MYH8: variants seen among roughly 807,000 people sequenced by gnomAD.
The protein encoded by MYH8 is myosin heavy chain 8, also known as myosin-8.
MYH8 carries 168 observed loss-of-function variants against 233.2 expected under a neutral mutation model. The observed-to-expected ratio is 0.72, with a 90% CI of 0.64 to 0.82. The LOEUF (loss-of-function observed/expected upper bound fraction) is 0.82. Among genes scored for constraint, MYH8 ranks in the 40% least tolerant of loss-of-function variants. The pLI is 0.00. For synonymous variants in MYH8, 785 were observed against 850.6 expected (o/e 0.92, Z 1.34); for missense variants, 1,995 against 2,327.8 (o/e 0.86, Z 2.94).
rs562918986 is a variant in MYH8, at chr17:10,420,274, C to T, written c.-30-17G>A. On this transcript the variant is annotated splice_polypyrimidine_tract_variant and intron_variant, in intron 2 of 39. Coordinates refer to ENST00000403437, the MANE Select transcript of MYH8 (RefSeq NM_002472.3). ...GGATTCTGCCTAGGGAGGAGAGAAA[C>T]GGGAGAGAGAGATATAAAAAGCAGA... 9.4e-6 allele frequency: 15 copies of T among 1,595,056 alleles called. 1 individual carries two copies. The East Asian group carries it at 1.3e-4, about 14-fold the overall frequency.
chr17:10,408,946 G>T, intron 17 of MYH8, 151 bp downstream of exon 17: 1 of 721,272 alleles, frequency 1.4e-6, no homozygotes, highest in Non-Finnish European at 2.4e-6. Flanking sequence ...CGTTCCTACA[G>T]GAGTAGTATT....
At position 10,404,378 on chromosome 17, in the gene MYH8, C is replaced by T. The variant is rs774397725; in HGVS notation, c.2640G>A (p.Met880Ile). 3 of 1,613,728 alleles carry T rather than the reference C, an allele frequency of 1.9e-6. No individual in the cohort carries two copies. Among genetic ancestry groups the T allele is most frequent in the African/African-American group, 1.3e-5 (1 of 74,928 alleles). The change falls in exon 22 of 40, where the codon ATG (methionine) becomes ATA (isoleucine). Residue 880 changes from methionine (M) to isoleucine (I), a missense_variant. Met to Ile is a conservative substitution (Grantham distance 10). This residue lies in a region of MYH8 where 1,498 missense variants were observed against 1,680.9 expected (regional missense o/e 0.89). Transcript: ENST00000403437. ...CATTTTTCTCTTTTAAGAGAGTGAC[C>T]ATTTTTTCCTCTAGCTCCTTCCGTT... ...EAKRKELEEK[M>I]VTLLKEKNDL...
Position 10,415,279 on chromosome 17 carries a change from C to A in MYH8, c.741+13G>T, listed in dbSNP as rs1203024846. 2 of 1,612,234 alleles carry A rather than the reference C, an allele frequency of 1.2e-6. No individual in the cohort carries two copies. Among genetic ancestry groups the A allele is most frequent in the Non-Finnish European group, 8.5e-7 (1 of 1,178,278 alleles). ...CTACTCTGGAAGTTAGGGGTTGAGA[C>A]CAAGAGACTCACAAAGCGAGAGGAG... On this transcript the variant is annotated intron_variant, in intron 8 of 39. Transcript: ENST00000403437. The surrounding 1 kb of genome is among the most constrained non-coding windows in gnomAD (Gnocchi z 4.1).
At position 10,391,917 on chromosome 17, in the gene MYH8, T is replaced by C. The variant is rs762977268; in HGVS notation, c.5629A>G (p.Lys1877Glu). ...GCTTGTCTCTTGTATGATTTCACCT[T>C]CGCCTGTAATTTATCTACCAAGTCC... ...LQDLVDKLQA[K>E]VKSYKRQAEE... Residue 1877 changes from lysine (K) to glutamate (E), a missense_variant, in exon 39 of 40, where the codon AAG becomes GAG. Physicochemically the swap from Lys to Glu is moderately conservative, Grantham distance 56 (BLOSUM62 1). Coordinates refer to ENST00000403437, the MANE Select transcript of MYH8 (RefSeq NM_002472.3). 4.3e-6 allele frequency: 7 copies of C among 1,614,064 alleles called. No homozygotes were observed. In the East Asian group the frequency reaches 1.6e-4, roughly 36 times the overall value.
At position 10,415,387 on chromosome 17, in the gene MYH8, G is replaced by T; in HGVS notation, c.649-3C>A. 1 of 1,614,100 alleles carries T rather than the reference G, an allele frequency of 6.2e-7. No individual in the cohort carries two copies. The highest frequency in any genetic ancestry group is 8.5e-7 in the Non-Finnish European group (1 of 1,179,942). On this transcript the variant is annotated splice_polypyrimidine_tract_variant and splice_region_variant and intron_variant, in intron 7 of 39. Transcript: ENST00000403437. This position sits in a 1 kb window ranked among gnomAD's most constrained non-coding sequence, Gnocchi z 4.1. Reference sequence around the variant, plus strand: ...ATGATTTGATCTTCCAGAGTCCCCTGCAAAGGAAGGAGCAGTTCTCACATC... The same window carrying T: ...ATGATTTGATCTTCCAGAGTCCCCTTCAAAGGAAGGAGCAGTTCTCACATC...
chr17:10,405,222 A>G (rs1409395600), intron 21 of MYH8, among the ~76,000 whole-genome samples: 2 of 152,192 alleles, frequency 1.3e-5, no homozygotes, highest in Non-Finnish European at 2.9e-5. Flanking sequence ...TGGATTGTTA[A>G]TATTTGCGAG....
At chr17:10,412,957 T>G (rs1165127710) in intron 12 of MYH8, among the ~76,000 whole-genome samples, 1 of 152,248 alleles carries the variant, frequency 6.6e-6, no homozygotes, top group Non-Finnish European at 1.5e-5. Flanking sequence ...AAATTTTTCA[T>G]CAACTGTAAA....
intron 12 of MYH8, 120 bp downstream of exon 12, chr17:10,413,782 A>C: frequency 1.4e-6 from 2 of 1,397,628 alleles, no homozygotes; most frequent in Non-Finnish European, 2.0e-6. Flanking sequence ...CAGTGTGTGT[A>C]AATGTGTATA....
In MYH8 at chr17:10,411,733, T is replaced by C. The variant is rs1337556485; in HGVS notation, c.1416+637A>G. ...GGTGTATAAAGTGAAATCATTAGGG[T>C]AATTTCTCTTCTATTTATATCAGAC... On this transcript the variant is annotated intron_variant, in intron 14 of 39. Transcript: ENST00000403437. 4.6e-5 allele frequency among the ~76,000 whole-genome samples: 7 copies of C among 152,188 alleles called. No homozygotes were observed. The South Asian group carries it at 1.4e-3, about 32-fold the overall frequency.
chr17:10,409,037 C>A lies in MYH8; in HGVS notation c.1965+60G>T, dbSNP rs547170482. On this transcript the variant is annotated intron_variant, in intron 17 of 39. Coordinates refer to ENST00000403437, the MANE Select transcript of MYH8 (RefSeq NM_002472.3). ...TATTGCCTCATAATTTTTTCTAAAT[C>A]CTTAATTATGATAATTCATAGAAAC... 1.8e-5 allele frequency: 27 copies of A among 1,513,858 alleles called. No homozygotes were observed. In the South Asian group the frequency reaches 3.0e-4, roughly 17 times the overall value. The allele number at this position is 1,513,858 out of a possible 1,614,324, so 93.8% of individuals were successfully genotyped here. A position where few individuals can be genotyped will look rare whatever the true frequency, so the allele number is the denominator to read the frequency against.
chr17:10,390,552 G>GC lies in MYH8; in HGVS notation c.5715dup (p.Leu1906AlafsTer9), dbSNP rs1478092210. On this transcript the variant is annotated frameshift_variant, in exon 40 of 40. Transcript: ENST00000403437. LOFTEE classifies it high-confidence loss of function. ...TCAGCCCGTTCCTCGGCCTCCTCCAGCTCATGCTGGAGTTTGCGGAATTTA... is the reference window on the plus strand; with the variant it reads ...TCAGCCCGTTCCTCGGCCTCCTCCAGCCTCATGCTGGAGTTTGCGGAATTTA... 1 of 1,614,168 alleles carries GC rather than the reference G, an allele frequency of 6.2e-7. No individual in the cohort carries two copies. Among genetic ancestry groups the GC allele is most frequent in the Non-Finnish European group, 8.5e-7 (1 of 1,180,006 alleles).
chr17:10,395,306 C>T lies in MYH8; in HGVS notation c.4789G>A (p.Val1597Met), dbSNP rs369298245. The change falls in exon 34 of 40, where the codon GTG (valine) becomes ATG (methionine). Residue 1597 changes from valine (V) to methionine (M), a missense_variant. Transcript: ENST00000403437. ...DQLKRNHTRV[V>M]ETMQSTLDAE... ...TCCAGCGTGCTCTGCATTGTCTCCA[C>T]GACTCTAGTGTGGTTTCTCTTCAGC... 3.5e-5 allele frequency: 56 copies of T among 1,614,064 alleles called. No individual in the cohort carries two copies. The highest frequency in any genetic ancestry group is 1.8e-4 in the Admixed American group (11 of 60,008).
Position 10,396,691 on chromosome 17 carries a change from C to T in MYH8, c.4390G>A (p.Glu1464Lys). 1 of 1,614,234 alleles carries T rather than the reference C, an allele frequency of 6.2e-7. No individual in the cohort carries two copies. Among genetic ancestry groups the T allele is most frequent in the Non-Finnish European group, 8.5e-7 (1 of 1,180,044 alleles). ...KVLSEWKQKYEETQAELEASQ... is the reference protein window; with the variant it reads ...KVLSEWKQKYKETQAELEASQ... ...GCCTCAAGTTCAGCCTGAGTTTCCT[C>T]ATACTTCTGCTTCCATTCTGATAGG... Residue 1464 changes from glutamate to lysine, a missense_variant, in exon 32 of 40, where the codon GAG (glutamate) becomes AAG (lysine). By Grantham distance (56) the Glu-to-Lys change is moderately conservative. Coordinates refer to ENST00000403437, the MANE Select transcript of MYH8 (RefSeq NM_002472.3). This position sits in a 1 kb window ranked among gnomAD's most constrained non-coding sequence, Gnocchi z 4.2.
intron 5 of MYH8, among the ~76,000 whole-genome samples, chr17:10,418,371 G>A (rs140915590): frequency 2.0e-3 from 309 of 152,292 alleles, no homozygotes; most frequent in Non-Finnish European, 3.2e-3. Flanking sequence ...GTTTACAGTG[G>A]TCTAGTAATT....
In MYH8 at chr17:10,404,311, C is replaced by T. The variant is rs780519964; in HGVS notation, c.2688+19G>A. ...AAAAGCTTCAGTAACATGGTGCATTCAGAATATGGAGTACTCACAGATTGA... is the reference window on the plus strand; with the variant it reads ...AAAAGCTTCAGTAACATGGTGCATTTAGAATATGGAGTACTCACAGATTGA... On this transcript the variant is annotated intron_variant, in intron 22 of 39. Coordinates refer to ENST00000403437, the MANE Select transcript of MYH8 (RefSeq NM_002472.3). 6.2e-7 allele frequency: 1 copy of T among 1,613,606 alleles called. No homozygotes were observed. The highest frequency in any genetic ancestry group is 8.5e-7 in the Non-Finnish European group (1 of 1,179,768).
At chr17:10,413,364 C>T (rs976543847) in intron 12 of MYH8, among the ~76,000 whole-genome samples, 2 of 152,102 alleles carry the variant, frequency 1.3e-5, no homozygotes, top group Admixed American at 1.3e-4. Flanking sequence ...GGGGTAGATC[C>T]TGTATATTGC....
At chr17:10,404,751 A>ATG (rs2072176923) in intron 21 of MYH8, among the ~76,000 whole-genome samples, 166 bp from the exon 22 acceptor site, 3 of 148,970 alleles carry the variant, frequency 2.0e-5, no homozygotes, top group Non-Finnish European at 3.0e-5. Flanking sequence ...ACACACACAC[A>ATG]TGTACACACA....
At chr17:10,418,310 C>CT (rs1419744244) in intron 5 of MYH8, among the ~76,000 whole-genome samples, 4 of 152,262 alleles carry the variant, frequency 2.6e-5, no homozygotes, top group East Asian at 1.9e-4. Context: ...TGTTTGAACA[C>CT]TTTTTTCTAT....
In MYH8 at chr17:10,419,432, A is replaced by G. The variant is rs1293245434; in HGVS notation, c.211-402T>C. 6.6e-6 allele frequency among the ~76,000 whole-genome samples: 1 copy of G among 152,198 alleles called. No individual in the cohort carries two copies. Among genetic ancestry groups the G allele is most frequent in the East Asian group, 1.9e-4 (1 of 5,192 alleles). On this transcript the variant is annotated intron_variant, in intron 3 of 39. Coordinates refer to ENST00000403437, the MANE Select transcript of MYH8 (RefSeq NM_002472.3). This position sits in a 1 kb window ranked among gnomAD's most constrained non-coding sequence, Gnocchi z 4.0. ...TATTTTGGTACAAAACTATAATCAC[A>G]CATACTTCTCATTATATTATTTAAT...
Sources: allele counts gnomAD v4.1 joint callset (sites outside exome capture counted in the v4.1 genomes callset), GRCh38; gene constraint gnomAD v4.1.1; regional missense constraint gnomAD v4.1.1; non-coding constraint Gnocchi (gnomAD v3.1); transcripts MANE v1.5; gene names NCBI Gene and HGNC (gene_info 2026-07-23, HGNC 2026-07-21).